NXN: variants seen among roughly 807,000 people sequenced by gnomAD.
The protein encoded by NXN is nucleoredoxin 1.
Under a neutral mutation model 48.6 loss-of-function variants are expected in NXN, and 16 were observed. That is an observed-to-expected ratio of 0.33 (90% CI 0.22 to 0.50). The LOEUF is 0.50. Ranked by LOEUF, NXN falls within the 20% of genes least tolerant of loss-of-function variation. The pLI is 0.98. For synonymous variants in NXN, 281 were observed against 269.6 expected (o/e 1.04, Z -0.41); for missense variants, 492 against 605.5 (o/e 0.81, Z 1.97).
At chr17:925,579 G>C (rs1413436974) in intron 1 of NXN, among the ~76,000 whole-genome samples, 1 of 152,154 alleles carries the variant, frequency 6.6e-6, no homozygotes, top group Non-Finnish European at 1.5e-5. Context: ...AGTAGAGACG[G>C]GGTTTCACCA....
At chr17:818,657 G>A (rs1013494634) in intron 5 of NXN, among the ~76,000 whole-genome samples, 9 of 152,086 alleles carry the variant, frequency 5.9e-5, no homozygotes, top group East Asian at 1.9e-4. Flanking sequence ...AGGTCGAGGC[G>A]GGCAGATCAC....
In NXN at chr17:920,181, C is replaced by T. The variant is rs758391032; in HGVS notation, c.360+59138G>A. Among the ~76,000 whole-genome samples, 3 of 151,924 alleles carry T rather than the reference C, an allele frequency of 2.0e-5. No individual in the cohort carries two copies. Among genetic ancestry groups the T allele is most frequent in the African/African-American group, 2.4e-5 (1 of 41,336 alleles). On this transcript the variant is annotated intron_variant, in intron 1 of 7. Transcript: ENST00000336868. The surrounding 1 kb of genome is among the most constrained non-coding windows in gnomAD (Gnocchi z 4.6). Reference sequence around the variant, plus strand: ...GCCCAAAGTGCTGGGATGACAAGCACGAGCCATCACGCCCAGTCTACACCC... The same window carrying T: ...GCCCAAAGTGCTGGGATGACAAGCATGAGCCATCACGCCCAGTCTACACCC...
intron 1 of NXN, among the ~76,000 whole-genome samples, chr17:927,126 T>A (rs1365155177): frequency 2.7e-5 from 4 of 149,720 alleles, no homozygotes; most frequent in East Asian, 2.0e-4. Context: ...ATCCTGGCTA[T>A]CATGGTGAAA....
rs1275725244 is a variant in NXN at position 958,846 on chromosome 17, C to T, written c.360+20473G>A. Among the ~76,000 whole-genome samples the T allele has an allele frequency of 2.6e-5, 4 of 152,018 alleles. No homozygotes were observed. Among genetic ancestry groups the T allele is most frequent in the African/African-American group, 7.3e-5 (3 of 41,364 alleles). On this transcript the variant is annotated intron_variant, in intron 1 of 7. Transcript: ENST00000336868. The surrounding 1 kb of genome is among the most constrained non-coding windows in gnomAD (Gnocchi z 6.9). ...TCTCAGGGGGCTGAGGTGGGAGGATCGCTTGAGCCCAGGAGGTCAGGGCTG... is the reference window on the plus strand; with the variant it reads ...TCTCAGGGGGCTGAGGTGGGAGGATTGCTTGAGCCCAGGAGGTCAGGGCTG...
rs575436021 is a variant in NXN at position 882,816 on chromosome 17, G to A, written c.361-56738C>T. ...CTTGCTCTGTCGCCCAGGCTGGAGT[G>A]CAGTGGCGCGATCTTGGCTTGCTGC... On this transcript the variant is annotated intron_variant, in intron 1 of 7. Transcript: ENST00000336868. 1.7e-4 allele frequency among the ~76,000 whole-genome samples: 26 copies of A among 152,256 alleles called. 1 individual carries two copies. The highest frequency in any genetic ancestry group is 6.0e-4 in the African/African-American group (25 of 41,554).
chr17:954,525 T>C (rs2069145257), intron 1 of NXN, among the ~76,000 whole-genome samples: 1 of 152,192 alleles, frequency 6.6e-6, no homozygotes, highest in African/African-American at 2.4e-5. Context: ...CTGCACCAAC[T>C]TTTTGTTTTT....
At chr17:880,780 G>A (rs990657673) in intron 1 of NXN, among the ~76,000 whole-genome samples, 2 of 152,106 alleles carry the variant, frequency 1.3e-5, no homozygotes, top group African/African-American at 4.8e-5. Flanking sequence ...ATATCTAGGA[G>A]CAGAGCTTCC....
At chr17:974,957 GCTGGGAC>G (rs1351532262) in intron 1 of NXN, among the ~76,000 whole-genome samples, 1 of 152,034 alleles carries the variant, frequency 6.6e-6, no homozygotes, top group African/African-American at 2.4e-5. Context: ...CTCCCGAGTA[GCTGGGAC>G]CACAGGTACC....
chr17:976,186 G>A (rs1303236118), intron 1 of NXN, among the ~76,000 whole-genome samples: 1 of 122,930 alleles, frequency 8.1e-6, no homozygotes, highest in Non-Finnish European at 1.8e-5. Flanking sequence ...TTACATTTTT[G>A]TCCTTTTTTT....
chr17:924,162 C>T (rs1466960413), intron 1 of NXN, among the ~76,000 whole-genome samples: 1 of 152,078 alleles, frequency 6.6e-6, no homozygotes, highest in Non-Finnish European at 1.5e-5. Flanking sequence ...CCCACCTCTG[C>T]ATCCTGCATA....
rs1279888132 is a variant in NXN at position 920,124 on chromosome 17, T to C, written c.360+59195A>G. Among the ~76,000 whole-genome samples the C allele has an allele frequency of 6.6e-6, 1 of 151,880 alleles. No homozygotes were observed. The highest frequency in any genetic ancestry group is 1.5e-5 in the Non-Finnish European group (1 of 67,956). On this transcript the variant is annotated intron_variant, in intron 1 of 7. Coordinates refer to ENST00000336868, the MANE Select transcript of NXN (RefSeq NM_022463.5). The surrounding 1 kb of genome is among the most constrained non-coding windows in gnomAD (Gnocchi z 4.6). ...CATGTTGCCCAGGCTGGTCTTGAAC[T>C]CCTGGGCTCAAGCGATCAGCCCATC...
chr17:835,009 A>C (rs1913711184), intron 1 of NXN, among the ~76,000 whole-genome samples: 1 of 151,462 alleles, frequency 6.6e-6, no homozygotes, highest in Non-Finnish European at 1.5e-5. Flanking sequence ...CACAATGCCA[A>C]CAGAAAACGT....
At chr17:922,544 A>G (rs931272699) in intron 1 of NXN, among the ~76,000 whole-genome samples, 1 of 152,210 alleles carries the variant, frequency 6.6e-6, no homozygotes, top group Non-Finnish European at 1.5e-5. Context: ...GAGCTTAACA[A>G]AAGACCCAGT....
At chr17:843,242 C>G (rs574537046) in intron 1 of NXN, among the ~76,000 whole-genome samples, 1 of 152,332 alleles carries the variant, frequency 6.6e-6, no homozygotes, top group East Asian at 1.9e-4. Context: ...GTGGGGAGTC[C>G]GGTTCCCCGA....
chr17:977,291 T>G (rs2069472352), intron 1 of NXN, among the ~76,000 whole-genome samples: 1 of 152,174 alleles, frequency 6.6e-6, no homozygotes, highest in African/African-American at 2.4e-5. Flanking sequence ...AATAAAATGT[T>G]TAAGATGCTA....
chr17:838,145 T>C (rs1281071882), intron 1 of NXN, among the ~76,000 whole-genome samples: 1 of 145,786 alleles, frequency 6.9e-6, no homozygotes, highest in African/African-American at 2.6e-5. Flanking sequence ...TTTTTTTTTT[T>C]TTTTGAGATG....
At chr17:839,495 A>G (rs1360972936) in intron 1 of NXN, among the ~76,000 whole-genome samples, 3 of 151,804 alleles carry the variant, frequency 2.0e-5, no homozygotes, top group Non-Finnish European at 2.9e-5. Flanking sequence ...GCTAGAAATA[A>G]TGAGGAGGAG....
At chr17:871,399 C>CTTTTT (rs11345310) in intron 1 of NXN, among the ~76,000 whole-genome samples, 25 of 101,708 alleles carry the variant, frequency 2.5e-4, no homozygotes, top group African/African-American at 5.1e-4. Context: ...TACGCATTCA[C>CTTTTT]TTTTTTTTTT....
In NXN at chr17:889,699, AAAAGAAAGAAAG is replaced by A. The variant is rs201931057; in HGVS notation, c.361-63633_361-63622del. On this transcript the variant is annotated intron_variant, in intron 1 of 7. Transcript: ENST00000336868. ...AAGAAAAGAAAAGAAGAAAGAAAGAAAAAGAAAGAAAGAAAGAAAGAAAGAAAGAAAGAAAGA... is the reference window on the plus strand; with the variant it reads ...AAGAAAAGAAAAGAAGAAAGAAAGAAAAAGAAAGAAAGAAAGAAAGAAAGA... 5.2e-3 allele frequency among the ~76,000 whole-genome samples: 658 copies of A among 126,638 alleles called. 13 individuals are homozygous for A. Among genetic ancestry groups the A allele is most frequent in the East Asian group, 0.019 (84 of 4,322 alleles). 83.1% of individuals were successfully genotyped at this position (126,638 alleles called of 152,430 possible). A position where few individuals can be genotyped will look rare whatever the true frequency, so the allele number is the denominator to read the frequency against.
Sources: allele counts gnomAD v4.1 joint callset (sites outside exome capture counted in the v4.1 genomes callset), GRCh38; gene constraint gnomAD v4.1.1; non-coding constraint Gnocchi (gnomAD v3.1); transcripts MANE v1.5; gene names NCBI Gene and HGNC (gene_info 2026-07-23, HGNC 2026-07-21).